The following PTN variants were observed in gnomAD, a reference collection of about 807,000 sequenced individuals.
The protein encoded by PTN is pleiotrophin, also known as heparin affin regulatory protein.
In PTN, 18 loss-of-function variants were observed where a neutral mutation model predicts 24.1. The observed-to-expected ratio is 0.75, with a 90% CI of 0.52 to 1.11. The LOEUF is 1.11. PTN is among the 50% of genes least tolerant of loss of function. The probability of loss-of-function intolerance (pLI) is 0.00; values close to 1 mark genes in which losing one functional copy is unlikely to be tolerated. For missense variants in PTN, 163 were observed against 198.8 expected, an observed-to-expected ratio of 0.82 and a Z score of 1.08; for synonymous variants, 78 against 68.6, an observed-to-expected ratio of 1.14 and a Z score of -0.67.
rs371321160 is a variant in PTN at position 137,297,291 on chromosome 7, G to A, written c.-1-42317C>T. Among the ~76,000 whole-genome samples, 11 of 152,236 alleles carry A rather than the reference G, an allele frequency of 7.2e-5. No homozygotes were observed. The East Asian group carries it at 1.2e-3, about 16-fold the overall frequency. On this transcript the variant is annotated intron_variant, in intron 1 of 4. Coordinates refer to ENST00000348225, the MANE Select transcript of PTN (RefSeq NM_002825.7). ...TAAAGGGGCATAGGCCATTGCATAC[G>A]TGGAGGTGGCGAAGCCACTGTGGAT...
chr7:137,269,697 A>C (rs1192863272), intron 1 of PTN, among the ~76,000 whole-genome samples: 2 of 125,330 alleles, frequency 1.6e-5, no homozygotes, highest in Admixed American at 2.0e-4. Flanking sequence ...CAGTGGCATG[A>C]CCTCTGCTCA....
At chr7:137,268,419 G>C (rs1396974615) in intron 1 of PTN, among the ~76,000 whole-genome samples, 1 of 151,920 alleles carries the variant, frequency 6.6e-6, no homozygotes. Context: ...TCAGCTGGGA[G>C]CATCAGCAGC....
chr7:137,229,401 T>G (rs1808390538), intron 4 of PTN, among the ~76,000 whole-genome samples: 1 of 151,774 alleles, frequency 6.6e-6, no homozygotes, highest in Non-Finnish European at 1.5e-5. Context: ...ACCATAAGAC[T>G]TATGAAGACA....
intron 4 of PTN, among the ~76,000 whole-genome samples, chr7:137,238,353 C>T (rs1424839569): frequency 6.6e-6 from 1 of 152,236 alleles, no homozygotes; most frequent in Non-Finnish European, 1.5e-5. Flanking sequence ...CCTTGCTGTT[C>T]GCCCTTACTC....
intron 1 of PTN, among the ~76,000 whole-genome samples, chr7:137,302,272 C>T (rs1809817943): frequency 6.6e-6 from 1 of 151,968 alleles, no homozygotes; most frequent in Admixed American, 6.6e-5. Context: ...GAATTTGACA[C>T]AGCTAGTAAG....
At chr7:137,326,897 A>G (rs1176840790) in intron 1 of PTN, 1 of 152,202 alleles carries the variant, frequency 6.6e-6, no homozygotes, top group Non-Finnish European at 1.5e-5. Flanking sequence ...GATACTTAAC[A>G]TAGAGCCCAG....
chr7:137,323,437 T>A (rs1810198873), intron 1 of PTN, among the ~76,000 whole-genome samples: 1 of 152,210 alleles, frequency 6.6e-6, no homozygotes, highest in Admixed American at 6.5e-5. Flanking sequence ...TATGGTAAAG[T>A]GAAGACTGTC....
At chr7:137,315,658 G>T (rs148972224) in intron 1 of PTN, among the ~76,000 whole-genome samples, 2 of 152,112 alleles carry the variant, frequency 1.3e-5, no homozygotes, top group East Asian at 3.9e-4. Flanking sequence ...CTGGGCTTCC[G>T]TCTCACACCC....
chr7:137,264,345 C>G (rs772579536), intron 1 of PTN, among the ~76,000 whole-genome samples: 23 of 152,160 alleles, frequency 1.5e-4, no homozygotes, highest in Non-Finnish European at 2.9e-4. Flanking sequence ...ATACTGGGAA[C>G]AGTCCTCAGT....
chr7:137,337,658 G>T (rs1455742640), intron 1 of PTN, among the ~76,000 whole-genome samples: 1 of 152,196 alleles, frequency 6.6e-6, no homozygotes, highest in Non-Finnish European at 1.5e-5. Flanking sequence ...AATTATCAAG[G>T]TGAAATATGA....
rs193187323 is a variant in PTN at position 137,304,201 on chromosome 7, C to A, written c.-2+39238G>T. Among the ~76,000 whole-genome samples the A allele has an allele frequency of 5.7e-3, 862 of 151,988 alleles. 12 individuals are homozygous for A. The highest frequency in any genetic ancestry group is 0.042 in the South Asian group (203 of 4,816). On this transcript the variant is annotated intron_variant, in intron 1 of 4. Transcript: ENST00000348225. ...CTCTGATCTTTCCCTTCTTTTTTCT[C>A]CTCCTTCTCTTTGCTTTGAGCCTCC... is the stretch of plus-strand genomic sequence containing the variant.
intron 1 of PTN, among the ~76,000 whole-genome samples, chr7:137,329,122 T>C (rs1420132228): frequency 6.6e-6 from 1 of 152,062 alleles, no homozygotes. Flanking sequence ...GGAAGAAAAA[T>C]AGTCTTTACC....
At chr7:137,335,743 A>T (rs1810437149) in intron 1 of PTN, among the ~76,000 whole-genome samples, 1 of 152,230 alleles carries the variant, frequency 6.6e-6, no homozygotes, top group Non-Finnish European at 1.5e-5. Flanking sequence ...TGAGAAGCAC[A>T]GTTATCCAGC....
At position 137,267,538 on chromosome 7, in the gene PTN, A is replaced by T. The variant is rs190523967; in HGVS notation, c.-1-12564T>A. The stretch of plus-strand genomic sequence containing the variant: ...TTCCTTCTGATGGCCAACCCACCTC[A>T]AATGCTGGCCAGTCTATTTCACACA... On this transcript the variant is annotated intron_variant, in intron 1 of 4. Coordinates refer to ENST00000348225, the MANE Select transcript of PTN (RefSeq NM_002825.7). Among the ~76,000 whole-genome samples, 30 of 152,264 alleles carry T rather than the reference A, an allele frequency of 2.0e-4. No homozygotes were observed. In the East Asian group the frequency reaches 2.5e-3, roughly 13 times the overall value.
intron 1 of PTN, among the ~76,000 whole-genome samples, chr7:137,271,458 A>G (rs1809273636): frequency 6.6e-6 from 1 of 152,210 alleles, no homozygotes; most frequent in African/African-American, 2.4e-5. Flanking sequence ...ATCTCTAATT[A>G]CACAGAAGCA....
At chr7:137,278,538 A>G (rs965478696) in intron 1 of PTN, among the ~76,000 whole-genome samples, 2 of 152,116 alleles carry the variant, frequency 1.3e-5, no homozygotes, top group Non-Finnish European at 2.9e-5. Context: ...AGACTTCAAA[A>G]TAGAATTTAC....
intron 4 of PTN, among the ~76,000 whole-genome samples, chr7:137,237,545 A>G (rs933668457): frequency 2.0e-5 from 3 of 152,196 alleles, no homozygotes; most frequent in Non-Finnish European, 2.9e-5. Context: ...TTTGTCCTCC[A>G]GAATTAAATA....
chr7:137,231,363 A>G (rs559690055), intron 4 of PTN, among the ~76,000 whole-genome samples: 11 of 151,676 alleles, frequency 7.3e-5, no homozygotes, highest in African/African-American at 2.7e-4. Flanking sequence ...TACTACCCCA[A>G]TTTGCACAGT....
intron 1 of PTN, among the ~76,000 whole-genome samples, chr7:137,268,537 C>CA (rs1253357696): frequency 6.6e-6 from 1 of 152,114 alleles, no homozygotes. Flanking sequence ...CTGAGCAAGC[C>CA]AGGGGGTACG....
Sources: gnomAD v4.1 joint callset for allele counts (sites outside exome capture counted in the v4.1 genomes callset) on GRCh38, gnomAD v4.1.1 for gene constraint, MANE v1.5 for transcripts, NCBI Gene and HGNC (gene_info 2026-07-23, HGNC 2026-07-21) for gene names.